CUL1: variants seen among roughly 807,000 people sequenced by gnomAD.
The protein encoded by CUL1 is cullin 1.
In CUL1, 24 loss-of-function variants were observed where a neutral mutation model predicts 118.0. The ratio of observed to expected loss-of-function variants is 0.20; its 90% CI spans 0.15 to 0.29. The LOEUF (loss-of-function observed/expected upper bound fraction) is 0.29, where lower values mean the gene tolerates loss of function less well. Among genes scored for constraint, CUL1 ranks in the 10% least tolerant of loss-of-function variants. The pLI is 1.00. For missense variants in CUL1, 361 were observed against 933.8 expected, an observed-to-expected ratio of 0.39 and a Z score of 7.99; for synonymous variants, 332 against 340.4, an observed-to-expected ratio of 0.98 and a Z score of 0.27.
intron 2 of CUL1, among the ~76,000 whole-genome samples, chr7:148,739,449 A>G (rs57854196): frequency 0.011 from 1,604 of 152,296 alleles, 26 homozygotes; most frequent in African/African-American, 0.037. Flanking sequence ...AAGGTGCCCT[A>G]AACCGGGGGC....
rs140209571 is a variant in CUL1, at chr7:148,771,429, T to C, written c.1083+3680T>C. Among the ~76,000 whole-genome samples the C allele has an allele frequency of 3.3e-5, 5 of 152,356 alleles. No individual in the cohort carries two copies. In the East Asian group the frequency reaches 9.6e-4, roughly 29 times the overall value. ...ACATTAAAGGCTATTTCTGGAAAAC[T>C]GGCTGAAGGGGAATTTCCCTCATGG... On this transcript the variant is annotated intron_variant, in intron 9 of 21. Coordinates refer to ENST00000325222, the MANE Select transcript of CUL1 (RefSeq NM_003592.3).
chr7:148,769,436 CACACACACACACAA>C (rs1002298774), intron 9 of CUL1, among the ~76,000 whole-genome samples: 13 of 150,930 alleles, frequency 8.6e-5, no homozygotes, highest in Non-Finnish European at 1.3e-4. Context: ...CACACACACA[CACACACACACACAA>C]AACGCTCACC....
chr7:148,711,384 C>T (rs937114641), intron 1 of CUL1, among the ~76,000 whole-genome samples: 2 of 152,190 alleles, frequency 1.3e-5, no homozygotes, highest in Admixed American at 1.3e-4. Flanking sequence ...GGTGACATCA[C>T]TCACTGTGAG....
intron 4 of CUL1, among the ~76,000 whole-genome samples, chr7:148,757,882 C>T (rs978468656): frequency 2.0e-5 from 3 of 152,178 alleles, no homozygotes; most frequent in African/African-American, 7.2e-5. Flanking sequence ...TGAGACTATT[C>T]ACTACTATGA....
At chr7:148,703,370 C>CA (rs1797777849) in intron 1 of CUL1, among the ~76,000 whole-genome samples, 3 of 152,056 alleles carry the variant, frequency 2.0e-5, no homozygotes, top group African/African-American at 7.3e-5. Flanking sequence ...ATTGGCCTTG[C>CA]AAAAATTTAT....
chr7:148,766,550 AT>A lies in CUL1; in HGVS notation c.790-7del. 1.9e-6 allele frequency: 3 copies of A among 1,586,118 alleles called. No homozygotes were observed. Among genetic ancestry groups the A allele is most frequent in the Non-Finnish European group, 2.6e-6 (3 of 1,170,208 alleles). ...GAATCAAAACCATTCACTTGAATTA[AT>A]TTTCTCCAGGCAGAGGCTCGTCTGC... On this transcript the variant is annotated splice_polypyrimidine_tract_variant and intron_variant, in intron 7 of 21. Transcript: ENST00000325222.
At chr7:148,739,143 A>G (rs1021638609) in intron 2 of CUL1, among the ~76,000 whole-genome samples, 5 of 152,188 alleles carry the variant, frequency 3.3e-5, no homozygotes, top group African/African-American at 9.7e-5. Flanking sequence ...CCCCTTCCAG[A>G]TAATACACTT....
At chr7:148,767,540 C>A in intron 8 of CUL1, 79 bp from the exon 9 acceptor site, 1 of 1,269,986 alleles carries the variant, frequency 7.9e-7, no homozygotes. Flanking sequence ...TATTTTTCAT[C>A]TCAGTATAAA....
intron 1 of CUL1, among the ~76,000 whole-genome samples, chr7:148,717,048 G>T (rs980496126): frequency 3.4e-5 from 5 of 148,828 alleles, no homozygotes; most frequent in Non-Finnish European, 5.9e-5. Flanking sequence ...TTTCATTTTT[G>T]TTTTGTTTTG....
chr7:148,752,229 G>A (rs1799513586), intron 2 of CUL1, among the ~76,000 whole-genome samples: 1 of 152,224 alleles, frequency 6.6e-6, no homozygotes, highest in Non-Finnish European at 1.5e-5. Context: ...GCTAGGGTAA[G>A]AGGAAGGAGT....
Position 148,710,339 on chromosome 7 carries a change from G to A in CUL1, c.-162+11310G>A, listed in dbSNP as rs1162833753. Among the ~76,000 whole-genome samples the A allele has an allele frequency of 3.9e-5, 6 of 152,234 alleles. No homozygotes were observed. The East Asian group carries it at 7.8e-4, about 20-fold the overall frequency. ...AATCCCAGCACTTTGGGAGGCCAAG[G>A]CGAGCGGATCACCTGAGGTCAGGAG... On this transcript the variant is annotated intron_variant, in intron 1 of 21. Transcript: ENST00000325222.
chr7:148,698,165 G>A (rs1277196553), upstream of CUL1: 1 of 152,274 alleles, frequency 6.6e-6, no homozygotes, highest in East Asian at 1.9e-4. Flanking sequence ...TCGAGAATTG[G>A]CTGAGGTTCC....
chr7:148,754,039 T>G lies in CUL1; in HGVS notation c.204T>G (p.Pro68=). The G allele has an allele frequency of 6.2e-7, 1 of 1,614,004 alleles. No homozygotes were observed. Among genetic ancestry groups the G allele is most frequent in the Non-Finnish European group, 8.5e-7 (1 of 1,179,932 alleles). ...ACCAAGCACGAGGAGCTGGAGTTCC[T>G]CCTTCTAAGTCGAAAAAGGGGCAGA... is the stretch of plus-strand genomic sequence containing the variant. The part of the protein sequence containing the change: ...QSNQARGAGV[P]PSKSKKGQTP... Residue 68 remains proline (P), a synonymous_variant, in exon 3 of 22, where the codon CCT becomes CCG. Coordinates refer to ENST00000325222, the MANE Select transcript of CUL1 (RefSeq NM_003592.3).
intron 7 of CUL1, among the ~76,000 whole-genome samples, chr7:148,765,475 A>G (rs1055940805): frequency 6.6e-6 from 1 of 152,136 alleles, no homozygotes; most frequent in Admixed American, 6.5e-5. Flanking sequence ...AGAAAAAATT[A>G]AAAAGTTAGC....
chr7:148,746,921 G>C (rs1430259578), intron 2 of CUL1, among the ~76,000 whole-genome samples: 2 of 152,170 alleles, frequency 1.3e-5, no homozygotes, highest in Non-Finnish European at 2.9e-5. Context: ...TCTATCTTCA[G>C]GTGGACCCGA....
chr7:148,792,781 C>T lies in CUL1; in HGVS notation c.1862C>T (p.Thr621Ile). The T allele has an allele frequency of 6.2e-7, 1 of 1,613,506 alleles. No homozygotes were observed. Among genetic ancestry groups the T allele is most frequent in the Non-Finnish European group, 8.5e-7 (1 of 1,179,732 alleles). The change falls in exon 17 of 22, where the codon ACT becomes ATT. Residue 621 changes from threonine to isoleucine, a missense_variant. This residue lies in a region of CUL1 where 84 missense variants were observed against 203.3 expected (regional missense o/e 0.41). Transcript: ENST00000325222. ...LLQYNTEDAY[T>I]VQQLTDSTQI... ...CAGTACAACACGGAAGATGCCTACA[C>T]TGTGCAGCAGCTGACCGACAGCACT...
At chr7:148,701,321 A>G (rs1797716182) in intron 1 of CUL1, among the ~76,000 whole-genome samples, 1 of 151,674 alleles carries the variant, frequency 6.6e-6, no homozygotes, top group Non-Finnish European at 1.5e-5. Context: ...CTCCTTTTCT[A>G]TTCCCCCTTC....
Position 148,741,870 on chromosome 7 carries a change from G to A in CUL1, c.140+11608G>A, listed in dbSNP as rs149521159. Among the ~76,000 whole-genome samples, 546 of 152,298 alleles carry A rather than the reference G, an allele frequency of 3.6e-3. 11 individuals are homozygous for A. Among genetic ancestry groups the A allele is most frequent in the African/African-American group, 0.012 (490 of 41,554 alleles). On this transcript the variant is annotated intron_variant, in intron 2 of 21. Coordinates refer to ENST00000325222, the MANE Select transcript of CUL1 (RefSeq NM_003592.3). ...ATTGCGGGCATGAGCCACCACATCC[G>A]GCTCAACACTTGTTATTTTCTGACT...
chr7:148,797,414 T>A (rs75616666), intron 17 of CUL1, among the ~76,000 whole-genome samples: 8,344 of 105,072 alleles, frequency 0.079, 335 homozygotes, highest in Non-Finnish European at 0.11. Context: ...AAAAAAAAAA[T>A]GCTCATGGCG....
Sources: allele counts gnomAD v4.1 joint callset (sites outside exome capture counted in the v4.1 genomes callset), GRCh38; gene constraint gnomAD v4.1.1; regional missense constraint gnomAD v4.1.1; transcripts MANE v1.5; gene names NCBI Gene and HGNC (gene_info 2026-07-23, HGNC 2026-07-21).